The following SGCD variants were observed in gnomAD, a reference collection of about 807,000 sequenced individuals.
SGCD encodes the protein sarcoglycan delta, also known as delta-sarcoglycan.
In SGCD, 18 loss-of-function variants were observed where a neutral mutation model predicts 36.6. The ratio of observed to expected loss-of-function variants is 0.49; its 90% CI spans 0.34 to 0.73. The LOEUF is 0.73. Among genes scored for constraint, SGCD ranks in the 30% least tolerant of loss-of-function variants. The pLI is 0.01. For missense variants in SGCD, 387 were observed against 346.7 expected, an observed-to-expected ratio of 1.12 and a Z score of -0.92; for synonymous variants, 133 against 130.6, an observed-to-expected ratio of 1.02 and a Z score of -0.12.
At chr5:156,151,306 T>A (rs918693509) in intron 3 of SGCD, among the ~76,000 whole-genome samples, 2 of 151,732 alleles carry the variant, frequency 1.3e-5, no homozygotes, top group Non-Finnish European at 2.9e-5. Flanking sequence ...CCTTTCTTTT[T>A]GGATGTGTGG....
At chr5:155,763,496 C>T in the SGCD span, among the ~76,000 whole-genome samples, 1 of 152,136 alleles carries the variant, frequency 6.6e-6, no homozygotes, top group African/African-American at 2.4e-5. Context: ...ACAAGATGGG[C>T]ATTCCTCTCT....
At chr5:156,414,867 T>C (rs1580955105) in intron 3 of SGCD, among the ~76,000 whole-genome samples, 1 of 152,250 alleles carries the variant, frequency 6.6e-6, no homozygotes, top group East Asian at 1.9e-4. Flanking sequence ...ATTGCTTTTA[T>C]ACTGAGCAAA....
At chr5:156,516,402 G>T (rs1384550450) in intron 4 of SGCD, among the ~76,000 whole-genome samples, 1 of 152,140 alleles carries the variant, frequency 6.6e-6, no homozygotes, top group Non-Finnish European at 1.5e-5. Context: ...CCCAGGAGTG[G>T]CCCCCCAGCA....
At chr5:155,729,430 A>G in the SGCD span, among the ~76,000 whole-genome samples, 1 of 152,150 alleles carries the variant, frequency 6.6e-6, no homozygotes, top group East Asian at 1.9e-4. Flanking sequence ...TGTGAGAGAG[A>G]AAGAGACAGA....
At chr5:155,833,344 G>A in the SGCD span, among the ~76,000 whole-genome samples, 4 of 152,156 alleles carry the variant, frequency 2.6e-5, no homozygotes, top group Admixed American at 2.0e-4. Context: ...AAATATAATG[G>A]ATAGGAAAAT....
intron 7 of SGCD, among the ~76,000 whole-genome samples, chr5:156,756,101 A>G (rs1005518642): frequency 6.6e-6 from 1 of 152,216 alleles, no homozygotes; most frequent in African/African-American, 2.4e-5. Flanking sequence ...AACATGTTTA[A>G]GGTGTCTGAA....
intron 7 of SGCD, among the ~76,000 whole-genome samples, chr5:156,686,898 A>C (rs1365790191): frequency 6.6e-6 from 1 of 152,158 alleles, no homozygotes; most frequent in African/African-American, 2.4e-5. Flanking sequence ...CCACTGTCAG[A>C]ATTTAACAAC....
At chr5:155,980,178 T>C (rs1758196952) in intron 1 of SGCD, among the ~76,000 whole-genome samples, 1 of 152,126 alleles carries the variant, frequency 6.6e-6, no homozygotes, top group African/African-American at 2.4e-5. Context: ...GAGAAATACA[T>C]TTTTGTTGTT....
intron 3 of SGCD, among the ~76,000 whole-genome samples, chr5:156,356,652 T>G (rs1043354223): frequency 2.0e-5 from 3 of 152,020 alleles, no homozygotes; most frequent in Non-Finnish European, 4.4e-5. Flanking sequence ...GGATGGGAGA[T>G]TGTAATGGAT....
chr5:155,943,588 GA>G (rs1436715861), intron 1 of SGCD, among the ~76,000 whole-genome samples: 1 of 152,070 alleles, frequency 6.6e-6, no homozygotes, highest in Non-Finnish European at 1.5e-5. Flanking sequence ...ATAAACTCCA[GA>G]ACTATATTTT....
intron 4 of SGCD, among the ~76,000 whole-genome samples, chr5:156,526,868 G>A (rs770278425): frequency 6.6e-6 from 1 of 152,118 alleles, no homozygotes; most frequent in African/African-American, 2.4e-5. Flanking sequence ...TGGCTGATGG[G>A]GATAAATTGA....
In SGCD at chr5:156,174,815, G is replaced by GA. The variant is rs11400757; in HGVS notation, c.-44+50802dup. The stretch of plus-strand genomic sequence containing the variant: ...TCATGGTTTCTTATCTGAAGTTCCA[G>GA]AAAAAACATTGATAATGGTTGAGGC... On this transcript the variant is annotated intron_variant, in intron 3 of 9. Transcript: ENST00000517913. Among the ~76,000 whole-genome samples the GA allele has an allele frequency of 9.2e-3, 1,398 of 152,186 alleles. 14 individuals are homozygous for GA. The highest frequency in any genetic ancestry group is 0.032 in the African/African-American group (1,344 of 41,516).
intron 1 of SGCD, among the ~76,000 whole-genome samples, chr5:156,043,862 C>G (rs2127578976): frequency 6.6e-6 from 1 of 152,190 alleles, no homozygotes; most frequent in South Asian, 2.1e-4. Flanking sequence ...AGTTTTGGAC[C>G]AAGAGAAAGG....
the SGCD span, among the ~76,000 whole-genome samples, chr5:155,858,486 T>G: frequency 2.0e-4 from 31 of 152,314 alleles, no homozygotes; most frequent in Admixed American, 1.0e-3. Flanking sequence ...TCTTTTGTAG[T>G]TGTCATATTC....
chr5:156,039,234 A>G (rs938731189), intron 1 of SGCD, among the ~76,000 whole-genome samples: 1 of 145,636 alleles, frequency 6.9e-6, no homozygotes, highest in African/African-American at 2.8e-5. Flanking sequence ...CAGCACACTT[A>G]GTTCTGCATG....
chr5:155,853,049 G>A, the SGCD span, among the ~76,000 whole-genome samples: 1 of 151,830 alleles, frequency 6.6e-6, no homozygotes, highest in Non-Finnish European at 1.5e-5. Context: ...CAAGCTCTAA[G>A]ACTGGAAGAG....
At position 156,650,814 on chromosome 5, in the gene SGCD, A is replaced by G. The variant is rs1763429934; in HGVS notation, c.575+3278A>G. Among the ~76,000 whole-genome samples the G allele has an allele frequency of 3.9e-5, 6 of 152,126 alleles. No homozygotes were observed. The South Asian group carries it at 1.2e-3, about 31-fold the overall frequency. ...ATATACAAGTGCCTATGTCATTTTG[A>G]TAGAACAATTTATTTCCCTTTGGGT... On this transcript the variant is annotated intron_variant, in intron 7 of 8. Transcript: ENST00000337851.
chr5:156,394,988 C>T (rs897717374), intron 3 of SGCD, among the ~76,000 whole-genome samples: 1 of 152,198 alleles, frequency 6.6e-6, no homozygotes, highest in Non-Finnish European at 1.5e-5. Context: ...ATTGAAAAAT[C>T]ACAGTACTGG....
chr5:156,567,313 G>T (rs1422351505), intron 4 of SGCD, among the ~76,000 whole-genome samples: 1 of 143,306 alleles, frequency 7.0e-6, no homozygotes, highest in Non-Finnish European at 1.5e-5. Flanking sequence ...ATGGATGGAT[G>T]AATTAATGGG....
Sources: gnomAD v4.1 joint callset for allele counts (sites outside exome capture counted in the v4.1 genomes callset) on GRCh38, gnomAD v4.1.1 for gene constraint, MANE v1.5 for transcripts, NCBI Gene and HGNC (gene_info 2026-07-23, HGNC 2026-07-21) for gene names.